The following CHLSN variants were observed in gnomAD, a reference collection of about 807,000 sequenced individuals.
CHLSN encodes the protein protein cholesin.
At chr7:1,050,861 C>T in the CHLSN span, among the ~76,000 whole-genome samples, 1 of 152,192 alleles carries the variant, frequency 6.6e-6, no homozygotes, top group Non-Finnish European at 1.5e-5. Context: ...ACCCAGAAGG[C>T]TTGACGCGCA....
chr7:1,069,387 C>T, the CHLSN span, among the ~76,000 whole-genome samples: 1 of 126,006 alleles, frequency 7.9e-6, no homozygotes, highest in South Asian at 2.6e-4. Flanking sequence ...TCCCCTCTCC[C>T]CACGGTCTCC....
the CHLSN span, among the ~76,000 whole-genome samples, chr7:1,102,791 T>A: frequency 2.6e-4 from 40 of 152,304 alleles, no homozygotes; most frequent in Middle Eastern, 0.02. Context: ...ATTGGGAAGT[T>A]GCACACGGGC....
At chr7:1,040,690 C>CAAA in the CHLSN span, among the ~76,000 whole-genome samples, 2 of 145,340 alleles carry the variant, frequency 1.4e-5, no homozygotes, top group Non-Finnish European at 1.5e-5. Context: ...TTAAAAAGAA[C>CAAA]AAAAAAAAAA....
At chr7:1,012,803 G>A in the CHLSN span, among the ~76,000 whole-genome samples, 4 of 152,332 alleles carry the variant, frequency 2.6e-5, no homozygotes, top group South Asian at 2.1e-4. Context: ...CTGCGCCATC[G>A]GCTGCCCCGT....
At chr7:1,091,329 C>A in the CHLSN span, 227 of 177,814 alleles carry the variant, frequency 1.3e-3, no homozygotes, top group Non-Finnish European at 2.4e-3. Flanking sequence ...TCTACAGACA[C>A]CCGGCCAGGG....
the CHLSN span, among the ~76,000 whole-genome samples, chr7:1,136,067 A>AGTATATATAAGTTTATATAAATAT: frequency 9.2e-6 from 1 of 109,172 alleles, no homozygotes; most frequent in Non-Finnish European, 1.6e-5. Flanking sequence ...AATATATATA[A>AGTATATATAAGTTTATATAAATAT]ATATAAGTAT....
the CHLSN span, chr7:985,150 C>T: frequency 6.3e-7 from 1 of 1,596,712 alleles, no homozygotes; most frequent in Non-Finnish European, 8.5e-7. Context: ...GTGCCTGAGG[C>T]CCGTCTCCCT....
the CHLSN span, among the ~76,000 whole-genome samples, chr7:1,102,770 C>A: frequency 1.2e-4 from 18 of 152,304 alleles, no homozygotes; most frequent in Non-Finnish European, 2.2e-4. Context: ...GAAGTGAGCA[C>A]GTGTGCTGGG....
At chr7:1,111,390 C>T in the CHLSN span, among the ~76,000 whole-genome samples, 1 of 152,344 alleles carries the variant, frequency 6.6e-6, no homozygotes, top group Non-Finnish European at 1.5e-5. Flanking sequence ...CAAAGTGCAA[C>T]TTTAAGGGAA....
chr7:998,234 G>A, the CHLSN span, among the ~76,000 whole-genome samples: 1 of 152,204 alleles, frequency 6.6e-6, no homozygotes, highest in Non-Finnish European at 1.5e-5. Context: ...ACCCTTGTCT[G>A]CTGGTGGTGG....
At chr7:1,129,107 C>T in the CHLSN span, among the ~76,000 whole-genome samples, 2 of 14,660 alleles carry the variant, frequency 1.4e-4, no homozygotes, top group Non-Finnish European at 1.1e-4. Context: ...TCGGCTCATC[C>T]CACCGTCACC....
chr7:1,029,351 C>G, the CHLSN span, among the ~76,000 whole-genome samples: 1 of 152,168 alleles, frequency 6.6e-6, no homozygotes, highest in African/African-American at 2.4e-5. Flanking sequence ...TGTTCACGAA[C>G]TCCTGGGCCC....
the CHLSN span, among the ~76,000 whole-genome samples, chr7:1,019,149 G>A: frequency 1.5e-5 from 2 of 136,856 alleles, no homozygotes; most frequent in Admixed American, 1.6e-4. Context: ...AGCCAAGATC[G>A]CGCCATTGCA....
the CHLSN span, among the ~76,000 whole-genome samples, chr7:1,027,737 C>T: frequency 6.6e-6 from 1 of 152,362 alleles, no homozygotes; most frequent in East Asian, 1.9e-4. Flanking sequence ...TCCGAGCGCC[C>T]GACGGGGTCC....
chr7:1,005,969 G>T, the CHLSN span, among the ~76,000 whole-genome samples: 6 of 152,372 alleles, frequency 3.9e-5, no homozygotes, highest in African/African-American at 1.2e-4. Context: ...TGCCCCCAAC[G>T]TGAACACCCA....
At chr7:1,124,710 T>C in the CHLSN span, among the ~76,000 whole-genome samples, 1 of 122,452 alleles carries the variant, frequency 8.2e-6, no homozygotes, top group Non-Finnish European at 1.7e-5. Context: ...ACTTAAAGTA[T>C]AATAATAAAA....
the CHLSN span, among the ~76,000 whole-genome samples, chr7:1,029,905 G>T: frequency 6.6e-6 from 1 of 152,226 alleles, no homozygotes; most frequent in Non-Finnish European, 1.5e-5. Flanking sequence ...AGGGTGGACT[G>T]GAGGCCTCCT....
the CHLSN span, among the ~76,000 whole-genome samples, chr7:1,002,068 T>C: frequency 9.0e-5 from 11 of 122,592 alleles, no homozygotes; most frequent in African/African-American, 1.6e-4. Flanking sequence ...GGGAGTCCTG[T>C]GGGTGGGGAG....
At chr7:1,072,109 C>T in the CHLSN span, among the ~76,000 whole-genome samples, 3 of 152,202 alleles carry the variant, frequency 2.0e-5, no homozygotes, top group Non-Finnish European at 4.4e-5. Flanking sequence ...CTGGCCTAAG[C>T]GGGGATCCAA....
Sources: gnomAD v4.1 joint callset for allele counts (sites outside exome capture counted in the v4.1 genomes callset) on GRCh38, gnomAD v4.1.1 for gene constraint, MANE v1.5 for transcripts, NCBI Gene and HGNC (gene_info 2026-07-23, HGNC 2026-07-21) for gene names.